PCDHGA12: variants seen among roughly 807,000 people sequenced by gnomAD.
PCDHGA12 encodes the protein protocadherin gamma-A12.
PCDHGA12 carries 43 observed loss-of-function variants against 61.1 expected under a neutral mutation model. The ratio of observed to expected loss-of-function variants is 0.70; its 90% CI spans 0.55 to 0.91. The LOEUF (loss-of-function observed/expected upper bound fraction) is 0.91, where lower values mean the gene tolerates loss of function less well. Ranked by LOEUF, PCDHGA12 falls within the 40% of genes least tolerant of loss-of-function variation. PCDHGA12 has a pLI of 0.00. For synonymous variants in PCDHGA12, 520 were observed against 542.9 expected (o/e 0.96, Z 0.59); for missense variants, 1,236 against 1,227.7 (o/e 1.01, Z -0.10).
chr5:141,474,597 T>C (rs1454833258), intron 1 of PCDHGA12, among the ~76,000 whole-genome samples: 2 of 152,248 alleles, frequency 1.3e-5, no homozygotes, highest in Non-Finnish European at 2.9e-5. Flanking sequence ...CATGGAAATA[T>C]AGGTCACATA....
At chr5:141,451,957 A>C (rs1019378263) in intron 1 of PCDHGA12, among the ~76,000 whole-genome samples, 3 of 152,202 alleles carry the variant, frequency 2.0e-5, no homozygotes, top group African/African-American at 7.2e-5. Context: ...AGAAAGTGAC[A>C]TACCATCATT....
In PCDHGA12 at chr5:141,485,132, T is replaced by C. The variant is rs1020670896; in HGVS notation, c.2425-9675T>C. On this transcript the variant is annotated intron_variant, in intron 1 of 3. Transcript: ENST00000252085. This position sits in a 1 kb window ranked among gnomAD's most constrained non-coding sequence, Gnocchi z 5.7. ...GGCTGTTTGGGGCGGGTCGGCTTCATCCGCGTCTCAGGAGCAAGTAGAGAA... is the reference window on the plus strand; with the variant it reads ...GGCTGTTTGGGGCGGGTCGGCTTCACCCGCGTCTCAGGAGCAAGTAGAGAA... 8.1e-6 allele frequency: 12 copies of C among 1,489,136 alleles called. No individual in the cohort carries two copies. Among genetic ancestry groups the C allele is most frequent in the East Asian group, 2.3e-5 (1 of 44,214 alleles). The allele number at this position is 1,489,136 out of a possible 1,614,324, so 92.2% of individuals were successfully genotyped here.
intron 1 of PCDHGA12, chr5:141,441,447 C>T: frequency 6.2e-6 from 1 of 161,550 alleles, no homozygotes. Flanking sequence ...CCAGCCCAAG[C>T]ATCACCCTAC....
At chr5:141,500,184 T>A (rs889800014) in intron 2 of PCDHGA12, among the ~76,000 whole-genome samples, 89 of 135,966 alleles carry the variant, frequency 6.5e-4, no homozygotes, top group African/African-American at 2.4e-3. Flanking sequence ...TCATTTTTAT[T>A]TTTATTTATT....
At position 141,490,516 on chromosome 5, in the gene PCDHGA12, G is replaced by T. The variant is rs768123119; in HGVS notation, c.2425-4291G>T. The T allele has an allele frequency of 6.2e-7, 1 of 1,613,828 alleles. No individual in the cohort carries two copies. The highest frequency in any genetic ancestry group is 2.2e-5 in the East Asian group (1 of 44,864). On this transcript the variant is annotated intron_variant, in intron 1 of 3. Transcript: ENST00000252085. This position sits in a 1 kb window ranked among gnomAD's most constrained non-coding sequence, Gnocchi z 5.4. ...ATCCCACTATATCATCGAGCTGCTG[G>T]CCAGCGATGCTGGTTCACCTTCCCT... is the stretch of plus-strand genomic sequence containing the variant.
intron 1 of PCDHGA12, among the ~76,000 whole-genome samples, chr5:141,462,192 T>C (rs1323806836): frequency 6.6e-6 from 1 of 152,198 alleles, no homozygotes; most frequent in Non-Finnish European, 1.5e-5. Context: ...ACTCCTGACC[T>C]CAGGTGATCC....
rs191354649 is a variant in PCDHGA12 at position 141,510,446 on chromosome 5, C to T, written c.2573-501C>T. 8.9e-4 allele frequency among the ~76,000 whole-genome samples: 135 copies of T among 152,154 alleles called. 1 individual carries two copies. Among genetic ancestry groups the T allele is most frequent in the Non-Finnish European group, 1.7e-3 (114 of 68,010 alleles). On this transcript the variant is annotated intron_variant, in intron 3 of 3. Coordinates refer to ENST00000252085, the MANE Select transcript of PCDHGA12 (RefSeq NM_003735.3). ...TTTCATGGCTGCTGCCCTCCAGGAG[C>T]CCATGGTCTAGTGTGGGAGTCAGAG...
chr5:141,490,346 T>A lies in PCDHGA12; in HGVS notation c.2425-4461T>A. On this transcript the variant is annotated intron_variant, in intron 1 of 3. Coordinates refer to ENST00000252085, the MANE Select transcript of PCDHGA12 (RefSeq NM_003735.3). This position sits in a 1 kb window ranked among gnomAD's most constrained non-coding sequence, Gnocchi z 5.4. ...GAGAGCACACCAGTGGGCACAGTAG[T>A]GGGGTTGTTTAATGTGCGAGACCGG... The A allele has an allele frequency of 6.2e-7, 1 of 1,614,164 alleles. No individual in the cohort carries two copies. The highest frequency in any genetic ancestry group is 8.5e-7 in the Non-Finnish European group (1 of 1,180,020).
intron 1 of PCDHGA12, among the ~76,000 whole-genome samples, chr5:141,457,444 G>T (rs1253183319): frequency 6.6e-6 from 1 of 152,134 alleles, no homozygotes; most frequent in African/African-American, 2.4e-5. Context: ...AGCTGCAGAA[G>T]ATCACCACTT....
At chr5:141,455,534 A>G (rs985347185) in intron 1 of PCDHGA12, among the ~76,000 whole-genome samples, 1 of 152,178 alleles carries the variant, frequency 6.6e-6, no homozygotes, top group Non-Finnish European at 1.5e-5. Flanking sequence ...GACCAGGCAT[A>G]TCATTCACGT....
chr5:141,507,251 A>G (rs958917337), intron 3 of PCDHGA12: 3 of 152,400 alleles, frequency 2.0e-5, no homozygotes, highest in Non-Finnish European at 4.4e-5. Context: ...TGAATGTCAG[A>G]TAAACAGCAA....
In PCDHGA12 at chr5:141,505,419, C is replaced by G. The variant is rs1303924776; in HGVS notation, c.2510C>G (p.Thr837Ser). 6 of 1,614,140 alleles carry G rather than the reference C, an allele frequency of 3.7e-6. No individual in the cohort carries two copies. The highest frequency in any genetic ancestry group is 4.2e-6 in the Non-Finnish European group (5 of 1,180,062). Residue 837 changes from threonine to serine, a missense_variant, in exon 3 of 4, where the codon ACC becomes AGC. Thr to Ser is a moderately conservative substitution (Grantham distance 58). Coordinates refer to ENST00000252085, the MANE Select transcript of PCDHGA12 (RefSeq NM_003735.3). ...SGSQNGDDTGTWPNNQFDTEM... is the reference protein window; with the variant it reads ...SGSQNGDDTGSWPNNQFDTEM... ...TCCCAAAATGGCGATGACACCGGCACCTGGCCCAACAACCAGTTTGACACA... is the reference window on the plus strand; with the variant it reads ...TCCCAAAATGGCGATGACACCGGCAGCTGGCCCAACAACCAGTTTGACACA...
intron 1 of PCDHGA12, among the ~76,000 whole-genome samples, chr5:141,458,227 G>T (rs2154566190): frequency 6.6e-6 from 1 of 152,284 alleles, no homozygotes; most frequent in South Asian, 2.1e-4. Context: ...TCCTTTCCCA[G>T]TCCATGCACC....
In PCDHGA12 at chr5:141,492,559, C is replaced by A. The variant is rs533830391; in HGVS notation, c.2425-2248C>A. ...GGGCTGGGCCGGGTCGCCTGGGGGG[C>A]GGCCTGAGCGAGGCGCGGGGCCAGG... On this transcript the variant is annotated intron_variant, in intron 1 of 3. Coordinates refer to ENST00000252085, the MANE Select transcript of PCDHGA12 (RefSeq NM_003735.3). 2.6e-5 allele frequency among the ~76,000 whole-genome samples: 4 copies of A among 152,292 alleles called. No individual in the cohort carries two copies. The East Asian group carries it at 7.7e-4, about 29-fold the overall frequency.
Position 141,489,268 on chromosome 5 carries a change from G to T in PCDHGA12, c.2425-5539G>T. On this transcript the variant is annotated intron_variant, in intron 1 of 3. Transcript: ENST00000252085. This position sits in a 1 kb window ranked among gnomAD's most constrained non-coding sequence, Gnocchi z 4.5. The stretch of plus-strand genomic sequence containing the variant: ...GGGGCCCAAGACACTCCCACAGCTC[G>T]CTGGGAAATGGCAAGTGCTGTGCAT... The T allele has an allele frequency of 3.9e-6, 6 of 1,553,284 alleles. No homozygotes were observed. The South Asian group carries it at 5.0e-5, about 13-fold the overall frequency.
chr5:141,445,035 T>C (rs1438748354), intron 1 of PCDHGA12, among the ~76,000 whole-genome samples: 1 of 152,208 alleles, frequency 6.6e-6, no homozygotes, highest in Admixed American at 6.5e-5. Flanking sequence ...CTATGTTGTA[T>C]AGTTTTCAGT....
intron 2 of PCDHGA12, among the ~76,000 whole-genome samples, chr5:141,502,866 C>CTTTTTT (rs549047197): frequency 2.0e-4 from 26 of 128,026 alleles, no homozygotes; most frequent in African/African-American, 6.2e-4. Flanking sequence ...GACTCTCTGT[C>CTTTTTT]TTTTTTTTTT....
In PCDHGA12 at chr5:141,485,507, G is replaced by A. The variant is rs766643911; in HGVS notation, c.2425-9300G>A. 6.8e-6 allele frequency: 11 copies of A among 1,614,174 alleles called. No homozygotes were observed. Among genetic ancestry groups the A allele is most frequent in the Non-Finnish European group, 8.5e-6 (10 of 1,180,036 alleles). ...CGTGCCCCTGGAGTTTGTCACCGAA[G>A]GTCCTTTGGAAATGTACCGAGCAGA... On this transcript the variant is annotated intron_variant, in intron 1 of 3. Transcript: ENST00000252085. The surrounding 1 kb of genome is among the most constrained non-coding windows in gnomAD (Gnocchi z 5.7).
At chr5:141,433,285 C>G in intron 1 of PCDHGA12, 102 bp downstream of exon 1, 1 of 1,169,826 alleles carries the variant, frequency 8.5e-7, no homozygotes, top group Non-Finnish European at 1.2e-6. Flanking sequence ...CCTCAAACTC[C>G]TAGGCTCAAG....
Sources: gnomAD v4.1 joint callset for allele counts (sites outside exome capture counted in the v4.1 genomes callset) on GRCh38, gnomAD v4.1.1 for gene constraint, Gnocchi (gnomAD v3.1) non-coding constraint, MANE v1.5 for transcripts, NCBI Gene and HGNC (gene_info 2026-07-23, HGNC 2026-07-21) for gene names.